The following ZNF3 variants were observed in gnomAD, a reference collection of about 807,000 sequenced individuals.
The protein encoded by ZNF3 is C2-H2 type zinc finger protein.
A neutral mutation model predicts 36.9 loss-of-function variants in ZNF3; 16 were observed. The observed-to-expected ratio is 0.43, with a 90% CI of 0.29 to 0.66. The LOEUF is 0.66. Ranked by LOEUF, ZNF3 falls within the 30% of genes least tolerant of loss-of-function variation. ZNF3 has a pLI of 0.13. For missense variants in ZNF3, 462 were observed against 543.1 expected (o/e 0.85, Z 1.48); for synonymous variants, 201 against 201.9 (o/e 1.00, Z 0.04).
intron 5 of ZNF3, among the ~76,000 whole-genome samples, chr7:100,073,813 C>T (rs766511297): frequency 6.6e-6 from 1 of 151,878 alleles, no homozygotes; most frequent in Non-Finnish European, 1.5e-5. Flanking sequence ...GATAATCCTT[C>T]GGAAAAGTCT....
chr7:100,064,788 T>G (rs779717016), exon 6 of ZNF3: 24 of 1,613,994 alleles, frequency 1.5e-5, no homozygotes, highest in Non-Finnish European at 2.0e-5. Flanking sequence ...CAGGAGGTCC[T>G]CAGAAGGTGT....
exon 6 of ZNF3, chr7:100,064,481 C>A (rs1792529334): frequency 6.2e-7 from 1 of 1,613,804 alleles, no homozygotes; most frequent in African/African-American, 1.3e-5. Context: ...AACCACAGCT[C>A]CAACTTCAAT....
chr7:100,075,329 C>CT, intron 4 of ZNF3, 68 bp from the exon 5 acceptor site: 2 of 1,612,688 alleles, frequency 1.2e-6, no homozygotes, highest in Non-Finnish European at 1.7e-6. Context: ...AAAAAAATCA[C>CT]TGAGGATGGG....
At chr7:100,067,149 C>T (rs1792691823), downstream of ZNF3, among the ~76,000 whole-genome samples, 1 of 152,230 alleles carries the variant, frequency 6.6e-6, no homozygotes, top group South Asian at 2.1e-4. Context: ...GACCAGTCAT[C>T]CCATTAATAA....
At chr7:100,065,088 C>A, downstream of ZNF3, 2 of 941,664 alleles carry the variant, frequency 2.1e-6, no homozygotes, top group South Asian at 1.8e-5. Context: ...TTATTGAATA[C>A]TTACAGATGG....
intron 3 of ZNF3, among the ~76,000 whole-genome samples, 155 bp from the exon 4 acceptor site, chr7:100,075,785 C>T (rs1794002094): frequency 1.3e-5 from 2 of 152,192 alleles, no homozygotes; most frequent in African/African-American, 4.8e-5. Context: ...CAGCTAGCTA[C>T]AGTGTGTCCA....
Position 100,072,230 on chromosome 7 carries a change from G to A in ZNF3, c.272-18C>T, listed in dbSNP as rs770785637. ...CTCACGATCTGACACAATAAAAAAT[G>A]CAAATGTCACTTGTTCCTTAGGGAA... is the stretch of plus-strand genomic sequence containing the variant. On this transcript the variant is annotated intron_variant, in intron 5 of 5. Transcript: ENST00000299667. The A allele has an allele frequency of 1.2e-5, 18 of 1,546,100 alleles. No homozygotes were observed. The highest frequency in any genetic ancestry group is 1.6e-5 in the Non-Finnish European group (18 of 1,149,260).
downstream of ZNF3, among the ~76,000 whole-genome samples, chr7:100,068,893 C>G (rs563149891): frequency 1.6e-4 from 25 of 151,804 alleles, no homozygotes; most frequent in Non-Finnish European, 3.1e-4. Flanking sequence ...CTTGGTTCAC[C>G]GCAACCACTG....
At chr7:100,078,293 G>A (rs1794434284) in intron 2 of ZNF3, among the ~76,000 whole-genome samples, 1 of 150,494 alleles carries the variant, frequency 6.6e-6, no homozygotes, top group Non-Finnish European at 1.5e-5. Flanking sequence ...TCAGGAGTTC[G>A]AGACCAGCCT....
chr7:100,076,386 G>A (rs368613676), intron 3 of ZNF3, among the ~76,000 whole-genome samples: 5 of 151,728 alleles, frequency 3.3e-5, no homozygotes, highest in South Asian at 2.1e-4. Context: ...TCCACCTCCC[G>A]GGTTCAAGCA....
At chr7:100,075,387 G>T in intron 4 of ZNF3, 126 bp from the exon 5 acceptor site, 1 of 1,559,680 alleles carries the variant, frequency 6.4e-7, no homozygotes, top group Non-Finnish European at 8.8e-7. Context: ...CAGGGTGGAG[G>T]AAGAGAGACA....
At position 100,071,173 on chromosome 7, in the gene ZNF3, C is replaced by A; in HGVS notation, c.1311G>T (p.Thr437=). Residue 437 remains threonine (T), a synonymous_variant, in exon 6 of 6, where the codon ACG becomes ACT. Coordinates refer to ENST00000299667, the MANE Select transcript of ZNF3 (RefSeq NM_032924.5). Reference sequence around the variant, plus strand: ...TGGACTCTCTGATATTTAACTCGGTCGTAACTCTGAGGGAGCTTTTGCTCA... The same window carrying A: ...TGGACTCTCTGATATTTAACTCGGTAGTAACTCTGAGGGAGCTTTTGCTCA... ...IGMSKSSLRV[T]TELNIREST The A allele has an allele frequency of 1.2e-6, 2 of 1,604,292 alleles. No homozygotes were observed. The highest frequency in any genetic ancestry group is 8.5e-7 in the Non-Finnish European group (1 of 1,174,694).
At chr7:100,072,920 C>T (rs560099663) in intron 5 of ZNF3, among the ~76,000 whole-genome samples, 4 of 152,298 alleles carry the variant, frequency 2.6e-5, no homozygotes, top group Non-Finnish European at 5.9e-5. Context: ...AGAGAGTTTG[C>T]GTTTTTAGCT....
rs1040654018 is a variant in ZNF3 at position 100,071,196 on chromosome 7, T to C, written c.1288A>G (p.Ser430Gly). The change falls in exon 6 of 6, where the codon AGC becomes GGC. Residue 430 changes from serine to glycine, a missense_variant. Physicochemically the swap from Ser to Gly is moderately conservative, Grantham distance 56. Coordinates refer to ENST00000299667, the MANE Select transcript of ZNF3 (RefSeq NM_032924.5). ...GEKPLNGIGMSKSSLRVTTEL... is the reference protein window; with the variant it reads ...GEKPLNGIGMGKSSLRVTTEL... The stretch of plus-strand genomic sequence containing the variant: ...GTCGTAACTCTGAGGGAGCTTTTGC[T>C]CATGCCGATCCCATTCAAAGGCTTC... 5.0e-6 allele frequency: 8 copies of C among 1,612,090 alleles called. No homozygotes were observed. The highest frequency in any genetic ancestry group is 2.7e-5 in the African/African-American group (2 of 74,978).
downstream of ZNF3, among the ~76,000 whole-genome samples, chr7:100,066,035 A>C (rs1584396537): frequency 6.6e-6 from 1 of 151,552 alleles, no homozygotes; most frequent in Non-Finnish European, 1.5e-5. Context: ...TACTCGTGGT[A>C]CAGTTGGAAG....
chr7:100,065,576 C>T (rs1305514905), downstream of ZNF3, among the ~76,000 whole-genome samples: 2 of 151,964 alleles, frequency 1.3e-5, no homozygotes, highest in African/African-American at 4.8e-5. Flanking sequence ...TTTACAGAAG[C>T]CATACAGAAA....
chr7:100,072,653 C>T (rs1261303530), intron 5 of ZNF3, among the ~76,000 whole-genome samples: 3 of 152,038 alleles, frequency 2.0e-5, no homozygotes, highest in Non-Finnish European at 4.4e-5. Flanking sequence ...ACAGCAGCAG[C>T]GCGGGAACAA....
chr7:100,064,021 C>T (rs201249540), downstream of ZNF3: 369 of 1,614,082 alleles, frequency 2.3e-4, no homozygotes, highest in East Asian at 3.1e-4. Flanking sequence ...AGGAGAGAGA[C>T]GTTATATATG....
chr7:100,080,239 C>A (rs769510913), intron 1 of ZNF3, among the ~76,000 whole-genome samples: 1 of 152,206 alleles, frequency 6.6e-6, no homozygotes, highest in Non-Finnish European at 1.5e-5. Flanking sequence ...GCAGGGGATC[C>A]ACATTGCACA....
Sources: gnomAD v4.1 joint callset for allele counts (sites outside exome capture counted in the v4.1 genomes callset) on GRCh38, gnomAD v4.1.1 for gene constraint, MANE v1.5 for transcripts, NCBI Gene and HGNC (gene_info 2026-07-23, HGNC 2026-07-21) for gene names.